PLB1: variants seen among roughly 807,000 people sequenced by gnomAD.
The protein encoded by PLB1 is phospholipase B1, membrane-associated.
In PLB1, 242 loss-of-function variants were observed where a neutral mutation model predicts 227.4. The ratio of observed to expected loss-of-function variants is 1.06; its 90% confidence interval spans 0.96 to 1.18. The LOEUF (loss-of-function observed/expected upper bound fraction) is 1.18, where lower values mean the gene tolerates loss of function less well. Ranked by LOEUF, PLB1 falls within the 50% of genes most tolerant of loss-of-function variation. PLB1 has a pLI of 0.00. For synonymous variants in PLB1, 757 were observed against 682.2 expected (o/e 1.11, Z -1.71); for missense variants, 1,858 against 1,816.3 (o/e 1.02, Z -0.42).
chr2:28,523,702 A>C (rs1181517803), intron 4 of PLB1, among the ~76,000 whole-genome samples: 1 of 151,940 alleles, frequency 6.6e-6, no homozygotes, highest in Admixed American at 6.6e-5. Context: ...GTTCATTTGC[A>C]GGGGAGGGGT....
chr2:28,589,704 T>C lies in PLB1; in HGVS notation c.1950T>C (p.Ala650=). 1 of 1,614,132 alleles carries C rather than the reference T, an allele frequency of 6.2e-7. No homozygotes were observed. The highest frequency in any genetic ancestry group is 8.5e-7 in the Non-Finnish European group (1 of 1,180,028). Residue 650 remains alanine (A), a synonymous_variant, in exon 28 of 58, where the codon GCT becomes GCC. Coordinates refer to ENST00000327757, the MANE Select transcript of PLB1 (RefSeq NM_153021.5). The part of the protein sequence containing the change: ...SEGLPDNSFF[A]PDCFHFSSKS... ...GATTGCCTGACAACTCTTTCTTCGC[T>C]CCTGACTGTTTCCACTTCAGCAGCA... is the stretch of plus-strand genomic sequence containing the variant.
chr2:28,559,930 T>G (rs1391635157), intron 17 of PLB1, among the ~76,000 whole-genome samples: 1 of 151,998 alleles, frequency 6.6e-6, no homozygotes, highest in Non-Finnish European at 1.5e-5. Context: ...TTTTGTATTT[T>G]TAGTAGAGAC....
chr2:28,514,804 A>G (rs1026552324), intron 1 of PLB1, among the ~76,000 whole-genome samples: 1 of 152,166 alleles, frequency 6.6e-6, no homozygotes, highest in Non-Finnish European at 1.5e-5. Context: ...AAAGCCCACC[A>G]TCACCATTTG....
intron 16 of PLB1, 100 bp downstream of exon 16, chr2:28,550,184 T>G: frequency 1.1e-6 from 1 of 951,420 alleles, no homozygotes; most frequent in East Asian, 2.9e-5. Flanking sequence ...TTTTTTTTTT[T>G]TCTTTTGAGA....
chr2:28,560,793 C>T lies in PLB1; in HGVS notation c.1148-2248C>T, dbSNP rs571463814. 2.6e-5 allele frequency among the ~76,000 whole-genome samples: 4 copies of T among 152,266 alleles called. No homozygotes were observed. In the South Asian group the frequency reaches 8.3e-4, roughly 32 times the overall value. The stretch of plus-strand genomic sequence containing the variant: ...TCCAGAATAGATAAATCTATAGAGG[C>T]AGAAAGCAGATTACTGGTTACCAGA... On this transcript the variant is annotated intron_variant, in intron 17 of 57. Coordinates refer to ENST00000327757, the MANE Select transcript of PLB1 (RefSeq NM_153021.5).
At chr2:28,543,535 C>T (rs1455315103) in intron 14 of PLB1, among the ~76,000 whole-genome samples, 3 of 152,208 alleles carry the variant, frequency 2.0e-5, no homozygotes, top group Non-Finnish European at 2.9e-5. Context: ...GAGGTGGGGC[C>T]GTTTCTCAGA....
rs544271830 is a variant in PLB1 at position 28,644,033 on chromosome 2, C to G, written c.*972C>G. The stretch of plus-strand genomic sequence containing the variant: ...TCTTTGAAAATAGAAGTGATGCTTG[C>G]GCAACACCGTGAATGTACTAAACGC... On this transcript the variant is annotated 3_prime_UTR_variant, in exon 58 of 58. Coordinates refer to ENST00000327757, the MANE Select transcript of PLB1 (RefSeq NM_153021.5). Among the ~76,000 whole-genome samples, 1 of 152,300 alleles carries G rather than the reference C, an allele frequency of 6.6e-6. No individual in the cohort carries two copies. The highest frequency in any genetic ancestry group is 1.5e-5 in the Non-Finnish European group (1 of 68,024).
intron 1 of PLB1, among the ~76,000 whole-genome samples, chr2:28,510,650 G>A (rs1668135933): frequency 8.5e-6 from 1 of 118,144 alleles, no homozygotes; most frequent in Non-Finnish European, 1.7e-5. Flanking sequence ...TTGAGATGGA[G>A]TCTCACTTTA....
chr2:28,524,142 G>A (rs1669909084), intron 4 of PLB1, among the ~76,000 whole-genome samples: 1 of 152,194 alleles, frequency 6.6e-6, no homozygotes, highest in Non-Finnish European at 1.5e-5. Context: ...CAGGACAGAT[G>A]GGCCCTTTAA....
chr2:28,579,762 C>A, intron 23 of PLB1, 55 bp downstream of exon 23: 3 of 1,446,754 alleles, frequency 2.1e-6, no homozygotes, highest in Non-Finnish European at 2.9e-6. Flanking sequence ...ATTTTCACAG[C>A]CCGGTCACTT....
intron 39 of PLB1, 89 bp downstream of exon 39, chr2:28,603,010 G>C (rs911800328): frequency 1.7e-6 from 2 of 1,164,238 alleles, no homozygotes; most frequent in African/African-American, 3.0e-5. Flanking sequence ...GGGTCTTTGT[G>C]ACTTGGTCTA....
chr2:28,623,205 A>G (rs916519317), intron 49 of PLB1, among the ~76,000 whole-genome samples: 1 of 152,202 alleles, frequency 6.6e-6, no homozygotes, highest in Non-Finnish European at 1.5e-5. Context: ...AACTTGTACA[A>G]GCTCAACAGC....
At position 28,523,166 on chromosome 2, in the gene PLB1, C is replaced by T. The variant is rs112237982; in HGVS notation, c.244-2101C>T. On this transcript the variant is annotated intron_variant, in intron 4 of 57. Coordinates refer to ENST00000327757, the MANE Select transcript of PLB1 (RefSeq NM_153021.5). ...TTCAATATAAGAAAAAACAGATGTA[C>T]GCACAATAGAAGACCCTGTTCACAT... Among the ~76,000 whole-genome samples, 43 of 152,172 alleles carry T rather than the reference C, an allele frequency of 2.8e-4. No individual in the cohort carries two copies. In the South Asian group the frequency reaches 6.4e-3, roughly 23 times the overall value.
At chr2:28,513,131 T>C (rs13023754) in intron 1 of PLB1, among the ~76,000 whole-genome samples, 35,760 of 152,126 alleles carry the variant, frequency 0.24, 4,839 homozygotes, top group South Asian at 0.36. Context: ...AATTTTCTCT[T>C]GACTATGGTT....
chr2:28,628,480 A>G, intron 51 of PLB1, 83 bp from the exon 52 acceptor site: 1 of 1,277,786 alleles, frequency 7.8e-7, no homozygotes, highest in South Asian at 1.2e-5. Context: ...CATTTAGCCC[A>G]GGCCCCAGAG....
rs1261395672 is a variant in PLB1 at position 28,581,492 on chromosome 2, AAT to A, written c.1567-574_1567-573del. Among the ~76,000 whole-genome samples the A allele has an allele frequency of 5.7e-3, 449 of 79,320 alleles. 22 individuals carry two copies. The highest frequency in any genetic ancestry group is 0.011 in the Middle Eastern group (2 of 174). 52.0% of individuals were successfully genotyped at this position (79,320 alleles called of 152,430 possible). ...ATCCAGAGCTCCACGCAAAAAAATA[AAT>A]AAATAAATAAATAAATAAATAAATA... is the stretch of plus-strand genomic sequence containing the variant. On this transcript the variant is annotated intron_variant, in intron 23 of 57. Coordinates refer to ENST00000327757, the MANE Select transcript of PLB1 (RefSeq NM_153021.5).
At chr2:28,584,839 T>G (rs1157358775) in intron 25 of PLB1, among the ~76,000 whole-genome samples, 1 of 152,154 alleles carries the variant, frequency 6.6e-6, no homozygotes, top group African/African-American at 2.4e-5. Flanking sequence ...TGGAAGCAGT[T>G]TAACATAGAG....
chr2:28,639,202 GGA>G lies in PLB1; in HGVS notation c.4099-1721_4099-1720del, dbSNP rs570159848. 5.4e-4 allele frequency among the ~76,000 whole-genome samples: 83 copies of G among 152,332 alleles called. No individual in the cohort carries two copies. The South Asian group carries it at 0.016, about 30-fold the overall frequency. On this transcript the variant is annotated intron_variant, in intron 56 of 57. Coordinates refer to ENST00000327757, the MANE Select transcript of PLB1 (RefSeq NM_153021.5). ...TTTCAACTCCAGTGAGAGATGAGAA[GGA>G]GAGTGTGGAGGTAGATGGGAAATGA...
chr2:28,547,976 G>A (rs769746596), intron 14 of PLB1, among the ~76,000 whole-genome samples: 4 of 151,846 alleles, frequency 2.6e-5, no homozygotes, highest in Non-Finnish European at 4.4e-5. Context: ...TTTTATCTAC[G>A]TTATTAGATG....
Sources: gnomAD v4.1 joint callset for allele counts (sites outside exome capture counted in the v4.1 genomes callset) on GRCh38, gnomAD v4.1.1 for gene constraint, MANE v1.5 for transcripts, NCBI Gene and HGNC (gene_info 2026-07-23, HGNC 2026-07-21) for gene names.